Variants in AP1G1 observed in about 807,000 individuals in gnomAD.
AP1G1 encodes AP-1 complex subunit gamma-1.
Under a neutral mutation model 108.3 loss-of-function variants are expected in AP1G1, and 7 were observed. That is an observed-to-expected ratio of 0.06 (90% CI 0.04 to 0.12). The LOEUF is 0.12. Among genes scored for constraint, AP1G1 ranks in the 10% least tolerant of loss-of-function variants. The probability of loss-of-function intolerance (pLI) is 1.00; values close to 1 mark genes in which losing one functional copy is unlikely to be tolerated. For synonymous variants in AP1G1, 379 were observed against 353.5 expected, an observed-to-expected ratio of 1.07 and a Z score of -0.81; for missense variants, 756 against 1,010.7, an observed-to-expected ratio of 0.75 and a Z score of 3.42.
intron 19 of AP1G1, 36 bp from the exon 20 acceptor site, chr16:71,739,377 G>A (rs758190846): frequency 6.7e-7 from 1 of 1,490,710 alleles, no homozygotes; most frequent in South Asian, 1.3e-5. Context: ...TTAACCTTAG[G>A]CAGCATGACA....
chr16:71,775,419 A>G (rs1296849721), intron 2 of AP1G1, among the ~76,000 whole-genome samples: 1 of 152,172 alleles, frequency 6.6e-6, no homozygotes, highest in African/African-American at 2.4e-5. Context: ...TCATTTTATC[A>G]AGGCCCCATG....
chr16:71,756,562 C>T lies in AP1G1; in HGVS notation c.1089-403G>A, dbSNP rs913170611. 2.0e-5 allele frequency among the ~76,000 whole-genome samples: 3 copies of T among 152,044 alleles called. No homozygotes were observed. The East Asian group carries it at 5.8e-4, about 29-fold the overall frequency. On this transcript the variant is annotated intron_variant, in intron 11 of 22. Coordinates refer to ENST00000299980, the MANE Select transcript of AP1G1 (RefSeq NM_001128.6). ...TTAAAAATGTGACATGTTAAGTCACCATATTCTACTTTTATTACACCCCAC... is the reference window on the plus strand; with the variant it reads ...TTAAAAATGTGACATGTTAAGTCACTATATTCTACTTTTATTACACCCCAC...
At chr16:71,764,769 C>G in intron 7 of AP1G1, 43 bp from the exon 8 acceptor site, 2 of 1,270,298 alleles carry the variant, frequency 1.6e-6, no homozygotes, top group Non-Finnish European at 2.3e-6. Flanking sequence ...TTATGTCTCA[C>G]ACAAAGAAAT....
chr16:71,736,679 G>C (rs1021187600), intron 21 of AP1G1, among the ~76,000 whole-genome samples: 9 of 145,802 alleles, frequency 6.2e-5, no homozygotes, highest in Admixed American at 2.1e-4. Context: ...TCCACCTCCC[G>C]GGCTCACGCC....
At chr16:71,773,738 T>A (rs113283497) in intron 3 of AP1G1, among the ~76,000 whole-genome samples, 5,706 of 151,902 alleles carry the variant, frequency 0.038, 353 homozygotes, top group African/African-American at 0.13. Flanking sequence ...AAGTCAAGAG[T>A]TCGAGACCAG....
intron 11 of AP1G1, among the ~76,000 whole-genome samples, chr16:71,757,099 G>C (rs1353416762): frequency 6.6e-6 from 1 of 152,154 alleles, no homozygotes; most frequent in African/African-American, 2.4e-5. Context: ...GTTGCTATAT[G>C]CATCTTTCCA....
In AP1G1 at chr16:71,730,553, T is replaced by G. The variant is rs2045467074; in HGVS notation, c.*2505A>C. The G allele has an allele frequency of 6.6e-6, 1 of 152,634 alleles. No individual in the cohort carries two copies. Among genetic ancestry groups the G allele is most frequent in the South Asian group, 2.1e-4 (1 of 4,832 alleles). 9.5% of individuals were successfully genotyped at this position (152,634 alleles called of 1,614,324 possible). ...GAAATGTGCAAGTATTCAAAGAAATTGAAACATTTCTCCATTTAGCTGCAA... is the reference window on the plus strand; with the variant it reads ...GAAATGTGCAAGTATTCAAAGAAATGGAAACATTTCTCCATTTAGCTGCAA... On this transcript the variant is annotated 3_prime_UTR_variant, in exon 23 of 23. Transcript: ENST00000299980.
At chr16:71,775,469 T>C (rs1042900743) in intron 2 of AP1G1, among the ~76,000 whole-genome samples, 11 of 152,152 alleles carry the variant, frequency 7.2e-5, no homozygotes, top group Non-Finnish European at 4.4e-5. Context: ...TTGCATTAGT[T>C]TTGCAGATTC....
intron 1 of AP1G1, among the ~76,000 whole-genome samples, chr16:71,794,292 T>C (rs1480046415): frequency 6.6e-6 from 1 of 152,212 alleles, no homozygotes; most frequent in Non-Finnish European, 1.5e-5. Context: ...ATTTAGTATT[T>C]CGATGGTTTC....
chr16:71,801,025 G>T (rs952259735), intron 1 of AP1G1, among the ~76,000 whole-genome samples: 1 of 151,924 alleles, frequency 6.6e-6, no homozygotes, highest in African/African-American at 2.4e-5. Context: ...GAATTATATT[G>T]GCTGGGCGCG....
At chr16:71,808,340 G>A (rs2033070245) in intron 1 of AP1G1, 1 of 779,150 alleles carries the variant, frequency 1.3e-6, no homozygotes, top group East Asian at 7.3e-5. Flanking sequence ...GGATATGCTG[G>A]GAGTTATCTG....
At chr16:71,754,034 T>C in intron 12 of AP1G1, 147 bp from the exon 13 acceptor site, 1 of 718,688 alleles carries the variant, frequency 1.4e-6, no homozygotes, top group Non-Finnish European at 2.4e-6. Flanking sequence ...AGCTCAGGAG[T>C]TCGAGACCAG....
At chr16:71,760,955 G>C (rs2031057448) in intron 10 of AP1G1, among the ~76,000 whole-genome samples, 1 of 152,090 alleles carries the variant, frequency 6.6e-6, no homozygotes, top group African/African-American at 2.4e-5. Flanking sequence ...AGATAATACT[G>C]ATCAATTCAT....
intron 2 of AP1G1, among the ~76,000 whole-genome samples, chr16:71,781,505 A>G (rs555274346): frequency 7.2e-5 from 11 of 152,190 alleles, no homozygotes; most frequent in Non-Finnish European, 1.6e-4. Flanking sequence ...CCCAGAAGTA[A>G]TCAGAACCCT....
chr16:71,748,911 G>GTT (rs369285815), intron 15 of AP1G1, among the ~76,000 whole-genome samples: 1 of 148,434 alleles, frequency 6.7e-6, no homozygotes, highest in Non-Finnish European at 1.5e-5. Context: ...TTTTTTTTTT[G>GTT]TTTTTTTTGT....
chr16:71,774,150 C>T (rs1790350808), intron 3 of AP1G1, among the ~76,000 whole-genome samples: 1 of 147,380 alleles, frequency 6.8e-6, no homozygotes, highest in Admixed American at 6.8e-5. Context: ...AGCCGAGGTG[C>T]ATGGATAATC....
At chr16:71,751,866 G>A (rs1160824600) in intron 13 of AP1G1, among the ~76,000 whole-genome samples, 1 of 151,972 alleles carries the variant, frequency 6.6e-6, no homozygotes, top group Non-Finnish European at 1.5e-5. Flanking sequence ...ACAAAGACAG[G>A]TGCAAAAAAA....
chr16:71,786,680 C>G (rs2032214230), intron 2 of AP1G1, among the ~76,000 whole-genome samples: 2 of 152,116 alleles, frequency 1.3e-5, no homozygotes, highest in Non-Finnish European at 2.9e-5. Context: ...AGGATAGCCT[C>G]TATCTCTTGA....
At chr16:71,796,725 A>C (rs2032598569) in intron 1 of AP1G1, among the ~76,000 whole-genome samples, 1 of 152,180 alleles carries the variant, frequency 6.6e-6, no homozygotes, top group Non-Finnish European at 1.5e-5. Flanking sequence ...AAGAGGACTT[A>C]AGTTCAATTC....
Sources: allele counts gnomAD v4.1 joint callset (sites outside exome capture counted in the v4.1 genomes callset), GRCh38; gene constraint gnomAD v4.1.1; transcripts MANE v1.5; gene names NCBI Gene and HGNC (gene_info 2026-07-23, HGNC 2026-07-21).